The following ANP32A variants were observed in gnomAD, a reference collection of about 807,000 sequenced individuals.
ANP32A encodes acidic leucine-rich nuclear phosphoprotein 32 family member A.
Under a neutral mutation model 33.9 loss-of-function variants are expected in ANP32A, and 1 was observed. The ratio of observed to expected loss-of-function variants is 0.03; its 90% confidence interval spans 0.01 to 0.14. The LOEUF (loss-of-function observed/expected upper bound fraction) is 0.14, where lower values mean the gene tolerates loss of function less well. ANP32A is among the 10% of genes least tolerant of loss of function. The pLI, the probability that ANP32A is intolerant of heterozygous loss-of-function variation, is 1.00. For missense variants in ANP32A, 155 were observed against 306.0 expected (o/e 0.51, Z 3.68); for synonymous variants, 115 against 120.5 (o/e 0.95, Z 0.30).
chr15:68,805,778 G>A (rs1894211663), intron 1 of ANP32A, among the ~76,000 whole-genome samples: 1 of 152,112 alleles, frequency 6.6e-6, no homozygotes, highest in Non-Finnish European at 1.5e-5. Context: ...GGCCTTCCTG[G>A]ACCACCCATC....
intron 3 of ANP32A, 99 bp from the exon 4 acceptor site, chr15:68,784,694 G>T: frequency 7.5e-7 from 1 of 1,336,724 alleles, no homozygotes; most frequent in Non-Finnish European, 1.1e-6. Context: ...GATAGCATGC[G>T]CAGACCATGA....
At chr15:68,794,934 T>G (rs973353843) in intron 1 of ANP32A, among the ~76,000 whole-genome samples, 1 of 152,200 alleles carries the variant, frequency 6.6e-6, no homozygotes, top group African/African-American at 2.4e-5. Context: ...CTTTCTTATG[T>G]TACTTAGAAC....
At chr15:68,795,675 G>A (rs1036051820) in intron 1 of ANP32A, among the ~76,000 whole-genome samples, 4 of 152,240 alleles carry the variant, frequency 2.6e-5, no homozygotes, top group African/African-American at 9.6e-5. Flanking sequence ...GCAGTACTCC[G>A]CAGGCTGGGG....
intron 1 of ANP32A, among the ~76,000 whole-genome samples, chr15:68,798,413 CAGATAGCTTTT>C (rs956282785): frequency 2.6e-5 from 4 of 152,188 alleles, no homozygotes; most frequent in African/African-American, 9.7e-5. Flanking sequence ...GCCCCATTTT[CAGATAGCTTTT>C]AAAAAATGCT....
rs569077474 is a variant in ANP32A at position 68,780,351 on chromosome 15, C to T, written c.688+59G>A. On this transcript the variant is annotated intron_variant, in intron 6 of 6. Coordinates refer to ENST00000465139, the MANE Select transcript of ANP32A (RefSeq NM_006305.4). The surrounding 1 kb of genome is among the most constrained non-coding windows in gnomAD (Gnocchi z 4.3). ...CCAGGGGCCTCTGAGTCTAAGCAAT[C>T]TAAGGCCAAAGTGAAAGGGCCAGGC... 8 of 1,612,518 alleles carry T rather than the reference C, an allele frequency of 5.0e-6. No homozygotes were observed. The highest frequency in any genetic ancestry group is 5.9e-6 in the Non-Finnish European group (7 of 1,179,048).
chr15:68,803,813 T>C (rs1322136684), intron 1 of ANP32A, among the ~76,000 whole-genome samples: 3 of 147,502 alleles, frequency 2.0e-5, no homozygotes, highest in Non-Finnish European at 4.5e-5. Context: ...TTTTTTTTTT[T>C]TTTTTTTGAG....
At chr15:68,788,055 C>T (rs1297794466) in intron 1 of ANP32A, 136 bp from the exon 2 acceptor site, 3 of 1,132,800 alleles carry the variant, frequency 2.6e-6, no homozygotes, top group Non-Finnish European at 2.6e-6. Flanking sequence ...TTCTAGCTTT[C>T]CGGATCACTG....
chr15:68,797,965 A>T (rs944711350), intron 1 of ANP32A, among the ~76,000 whole-genome samples: 1 of 152,180 alleles, frequency 6.6e-6, no homozygotes, highest in African/African-American at 2.4e-5. Context: ...GGCTCTGGAG[A>T]ATAATCTAGA....
chr15:68,803,559 C>T (rs573616720), intron 1 of ANP32A, among the ~76,000 whole-genome samples: 7 of 152,276 alleles, frequency 4.6e-5, no homozygotes, highest in East Asian at 1.9e-4. Context: ...CTCTGAGGCA[C>T]CTGGGTATGC....
At chr15:68,804,472 A>C (rs1894185827) in intron 1 of ANP32A, among the ~76,000 whole-genome samples, 1 of 152,256 alleles carries the variant, frequency 6.6e-6, no homozygotes, top group African/African-American at 2.4e-5. Context: ...ACAAACAGTT[A>C]AAAACAAACA....
intron 1 of ANP32A, chr15:68,789,709 G>C (rs1021153138): frequency 6.5e-6 from 1 of 152,752 alleles, no homozygotes; most frequent in Non-Finnish European, 1.5e-5. Flanking sequence ...CTGGTGGGTG[G>C]AGGCATGCCA....
At chr15:68,807,963 T>C (rs1894259492) in intron 1 of ANP32A, among the ~76,000 whole-genome samples, 1 of 152,178 alleles carries the variant, frequency 6.6e-6, no homozygotes, top group East Asian at 1.9e-4. Context: ...GAGATACACG[T>C]AAATGAAAAA....
chr15:68,817,898 A>G (rs1179648921), intron 1 of ANP32A, among the ~76,000 whole-genome samples: 1 of 151,914 alleles, frequency 6.6e-6, no homozygotes. Flanking sequence ...CCCCACAGCG[A>G]CAACAGCCAC....
At chr15:68,802,486 T>G (rs971743705) in intron 1 of ANP32A, among the ~76,000 whole-genome samples, 1 of 152,222 alleles carries the variant, frequency 6.6e-6, no homozygotes, top group Non-Finnish European at 1.5e-5. Context: ...CAGTCTCTTA[T>G]TGATGAGTAT....
In ANP32A at chr15:68,780,765, A is replaced by C; in HGVS notation, c.625-292T>G. 3.0e-6 allele frequency: 1 copy of C among 329,354 alleles called. No individual in the cohort carries two copies. The allele number at this position is 329,354 out of a possible 1,614,324, so 20.4% of individuals were successfully genotyped here. On this transcript the variant is annotated intron_variant, in intron 5 of 6. Coordinates refer to ENST00000465139, the MANE Select transcript of ANP32A (RefSeq NM_006305.4). The surrounding 1 kb of genome is among the most constrained non-coding windows in gnomAD (Gnocchi z 4.3). The stretch of plus-strand genomic sequence containing the variant: ...ATGGATTCCAGGACCCAGGTTAAGA[A>C]CTCTGATCTGAAGTCCCTGTAAGGC...
chr15:68,791,340 C>G (rs1046284727), intron 1 of ANP32A: 1 of 152,240 alleles, frequency 6.6e-6, no homozygotes, highest in Non-Finnish European at 1.5e-5. Context: ...TTGTTACGCT[C>G]TTCTTTTGTT....
chr15:68,780,649 G>A lies in ANP32A; in HGVS notation c.625-176C>T. 1 of 1,072,926 alleles carries A rather than the reference G, an allele frequency of 9.3e-7. No homozygotes were observed. The highest frequency in any genetic ancestry group is 1.3e-6 in the Non-Finnish European group (1 of 786,774). The allele number at this position is 1,072,926 out of a possible 1,614,324, so 66.5% of individuals were successfully genotyped here. A position where few individuals can be genotyped will look rare whatever the true frequency, so the allele number is the denominator to read the frequency against. ...GGTTCTTAATTTATTTCAGATCAAG[G>A]ACTCATTGGGAAATCTGCAGAAAGC... On this transcript the variant is annotated intron_variant, in intron 5 of 6. Coordinates refer to ENST00000465139, the MANE Select transcript of ANP32A (RefSeq NM_006305.4). This position sits in a 1 kb window ranked among gnomAD's most constrained non-coding sequence, Gnocchi z 4.3.
At position 68,787,402 on chromosome 15, in the gene ANP32A, G is replaced by A. The variant is rs781526605; in HGVS notation, c.327+11C>T. 9.3e-6 allele frequency: 15 copies of A among 1,613,992 alleles called. No individual in the cohort carries two copies. Among genetic ancestry groups the A allele is most frequent in the Middle Eastern group, 1.6e-4 (1 of 6,082 alleles). On this transcript the variant is annotated intron_variant, in intron 3 of 6. Coordinates refer to ENST00000465139, the MANE Select transcript of ANP32A (RefSeq NM_006305.4). Reference sequence around the variant, plus strand: ...TACCCCTGCAGGGAGGGGAGGGTCCGAATGACTTACCAGTGGCTCTATTGT... The same window carrying A: ...TACCCCTGCAGGGAGGGGAGGGTCCAAATGACTTACCAGTGGCTCTATTGT...
chr15:68,785,275 T>C (rs1893917707), intron 3 of ANP32A, among the ~76,000 whole-genome samples: 1 of 152,214 alleles, frequency 6.6e-6, no homozygotes, highest in African/African-American at 2.4e-5. Context: ...TGACACGATG[T>C]GCTCTGTCAA....
Sources: gnomAD v4.1 joint callset for allele counts (sites outside exome capture counted in the v4.1 genomes callset) on GRCh38, gnomAD v4.1.1 for gene constraint, Gnocchi (gnomAD v3.1) non-coding constraint, MANE v1.5 for transcripts, NCBI Gene and HGNC (gene_info 2026-07-23, HGNC 2026-07-21) for gene names.